TCF24: variants seen among roughly 807,000 people sequenced by gnomAD.
TCF24 encodes transcription factor 24.
Under a neutral mutation model 9.3 loss-of-function variants are expected in TCF24, and 5 were observed. That is an observed-to-expected ratio of 0.54 (90% CI 0.28 to 1.13). The LOEUF is 1.13. Ranked by LOEUF, TCF24 falls within the 50% of genes most tolerant of loss-of-function variation. The pLI is 0.09. For synonymous variants in TCF24, 110 were observed against 115.8 expected (o/e 0.95, Z 0.32); for missense variants, 220 against 236.1 (o/e 0.93, Z 0.45).
intron 3 of TCF24, among the ~76,000 whole-genome samples, chr8:66,959,755 T>A (rs1814224051): frequency 6.6e-6 from 1 of 152,184 alleles, no homozygotes; most frequent in African/African-American, 2.4e-5. Flanking sequence ...TAATTTCATT[T>A]AAAAAAATAA....
chr8:66,955,825 T>A (rs148695776), intron 3 of TCF24, among the ~76,000 whole-genome samples: 21 of 152,366 alleles, frequency 1.4e-4, no homozygotes, highest in South Asian at 2.1e-4. Flanking sequence ...GGACTCCAAA[T>A]GTAAAACATA....
chr8:66,961,025 C>T (rs1362305719), intron 3 of TCF24, among the ~76,000 whole-genome samples: 1 of 152,214 alleles, frequency 6.6e-6, no homozygotes, highest in Non-Finnish European at 1.5e-5. Context: ...CTCAGAGGGT[C>T]ATACATATAA....
At chr8:66,953,671 G>T (rs1486626970) in intron 3 of TCF24, among the ~76,000 whole-genome samples, 1 of 152,038 alleles carries the variant, frequency 6.6e-6, no homozygotes, top group Non-Finnish European at 1.5e-5. Flanking sequence ...AGTTCTCCTG[G>T]ATAATATCCT....
Position 66,948,170 on chromosome 8 carries a change from A to G in TCF24, c.391-6T>C, listed in dbSNP as rs1160633395. The G allele has an allele frequency of 6.6e-7, 1 of 1,526,024 alleles. No homozygotes were observed. The highest frequency in any genetic ancestry group is 8.8e-7 in the Non-Finnish European group (1 of 1,142,812). 94.5% of individuals were successfully genotyped at this position (1,526,024 alleles called of 1,614,324 possible). On this transcript the variant is annotated splice_region_variant and splice_polypyrimidine_tract_variant and intron_variant, in intron 3 of 3. Coordinates refer to ENST00000563496, the MANE Select transcript of TCF24 (RefSeq NM_001193502.2). ...CTTGATCGCATGGGCCATTTCTGAA[A>G]AAGATTATTTCAACAAGAATTCAAA...
At chr8:66,951,013 G>C (rs2130897679) in intron 3 of TCF24, among the ~76,000 whole-genome samples, 1 of 151,500 alleles carries the variant, frequency 6.6e-6, no homozygotes, top group African/African-American at 2.4e-5. Flanking sequence ...GGATTTTCTA[G>C]ATATACAATC....
chr8:66,961,414 C>G lies in TCF24; in HGVS notation c.352G>C (p.Gly118Arg). The G allele has an allele frequency of 6.6e-7, 1 of 1,517,098 alleles. No homozygotes were observed. The highest frequency in any genetic ancestry group is 1.4e-5 in the African/African-American group (1 of 70,648). 94.0% of individuals were successfully genotyped at this position (1,517,098 alleles called of 1,614,324 possible). The change falls in exon 3 of 4, where the codon GGC becomes CGC. Residue 118 changes from glycine (G) to arginine (R), a missense_variant. Physicochemically the swap from Gly to Arg is moderately radical, Grantham distance 125. Coordinates refer to ENST00000563496, the MANE Select transcript of TCF24 (RefSeq NM_001193502.2). Reference protein sequence around the residue: ...DAEAPADAGLGALRGDGYLHP... With the variant: ...DAEAPADAGLRALRGDGYLHP... ...AGGTAGCCATCGCCGCGCAGGGCGC[C>G]CAACCCGGCGTCCGCCGGCGCCTCG...
chr8:66,953,192 G>A (rs1001608181), intron 3 of TCF24, among the ~76,000 whole-genome samples: 2 of 151,990 alleles, frequency 1.3e-5, no homozygotes, highest in African/African-American at 2.4e-5. Flanking sequence ...TCCTAGTCTC[G>A]ATGATCTTTA....
intron 3 of TCF24, among the ~76,000 whole-genome samples, chr8:66,952,086 C>G (rs2130898277): frequency 6.7e-6 from 1 of 148,846 alleles, no homozygotes; most frequent in East Asian, 2.0e-4. Context: ...TTTTGTGTCT[C>G]TATTTCCTTC....
At chr8:66,948,208 T>C (rs990802433) in intron 3 of TCF24, 44 bp from the exon 4 acceptor site, 6 of 1,387,166 alleles carry the variant, frequency 4.3e-6, no homozygotes, top group African/African-American at 2.9e-5. Context: ...TTAGTATCTA[T>C]GACATATATT....
Position 66,947,911 on chromosome 8 carries a change from G to T in TCF24, c.*140C>A. On this transcript the variant is annotated 3_prime_UTR_variant, in exon 4 of 4. Coordinates refer to ENST00000563496, the MANE Select transcript of TCF24 (RefSeq NM_001193502.2). ...GATTATTTCATTCCACATTTAGACA[G>T]ATAAACCTGAACATCCAACTATGGG... 1.7e-6 allele frequency: 1 copy of T among 587,380 alleles called. No individual in the cohort carries two copies. Among genetic ancestry groups the T allele is most frequent in the Non-Finnish European group, 2.9e-6 (1 of 346,386 alleles). 36.4% of individuals were successfully genotyped at this position (587,380 alleles called of 1,614,324 possible).
chr8:66,954,880 C>T (rs1814128097), intron 3 of TCF24: 1 of 152,992 alleles, frequency 6.5e-6, no homozygotes, highest in Admixed American at 6.5e-5. Context: ...TCATCCCTTT[C>T]TTTGACTCGG....
chr8:66,957,111 CAAAAAAAAAAAAAAA>C (rs1165600722), intron 3 of TCF24, among the ~76,000 whole-genome samples: 1 of 15,728 alleles, frequency 6.4e-5, no homozygotes, highest in East Asian at 2.8e-3. Context: ...GACTCCGTCT[CAAAAAAAAAAAAAAA>C]AAAAAAAAAA....
At chr8:66,948,706 T>TCTATCTATCTA in intron 3 of TCF24, among the ~76,000 whole-genome samples, 1 of 131,764 alleles carries the variant, frequency 7.6e-6, no homozygotes. Flanking sequence ...TATCTATCTA[T>TCTATCTATCTA]TTTTTTTGAG....
At chr8:66,955,197 A>G (rs1814133230) in intron 3 of TCF24, 1 of 152,196 alleles carries the variant, frequency 6.6e-6, no homozygotes, top group Non-Finnish European at 1.5e-5. Context: ...ATTCATCTTT[A>G]TGGTGGGCAA....
chr8:66,954,128 G>A (rs1335419121), intron 3 of TCF24, among the ~76,000 whole-genome samples: 14 of 152,294 alleles, frequency 9.2e-5, no homozygotes, highest in South Asian at 2.1e-4. Flanking sequence ...GCTTTGTTCC[G>A]TTGCTGGTGA....
Position 66,947,395 on chromosome 8 carries a change from C to T in TCF24, c.*656G>A, listed in dbSNP as rs2130895625. On this transcript the variant is annotated 3_prime_UTR_variant, in exon 4 of 4. Transcript: ENST00000563496. ...TCTGCTGTCCGCTGACACCTGGTCT[C>T]CTGTTCACACTGGACTGCAGGGATT... is the stretch of plus-strand genomic sequence containing the variant. 1 of 152,354 alleles carries T rather than the reference C, an allele frequency of 6.6e-6. No homozygotes were observed. The highest frequency in any genetic ancestry group is 2.1e-4 in the South Asian group (1 of 4,824). 9.4% of individuals were successfully genotyped at this position (152,354 alleles called of 1,614,324 possible).
chr8:66,955,381 TAA>T (rs754507682), intron 3 of TCF24, among the ~76,000 whole-genome samples: 6 of 136,296 alleles, frequency 4.4e-5, no homozygotes, highest in Admixed American at 1.5e-4. Flanking sequence ...AGAGAGGGAC[TAA>T]AAAAAAAAAA....
intron 3 of TCF24, among the ~76,000 whole-genome samples, chr8:66,951,523 T>G (rs1435319420): frequency 6.6e-6 from 1 of 152,168 alleles, no homozygotes; most frequent in African/African-American, 2.4e-5. Context: ...TTTGCATCAA[T>G]GTTCATCAAG....
chr8:66,952,100 T>A (rs1253964849), intron 3 of TCF24, among the ~76,000 whole-genome samples: 3 of 149,504 alleles, frequency 2.0e-5, no homozygotes, highest in African/African-American at 7.3e-5. Flanking sequence ...TTCCTTCATT[T>A]CTGCTCTGAT....
Sources: gnomAD v4.1 joint callset for allele counts (sites outside exome capture counted in the v4.1 genomes callset) on GRCh38, gnomAD v4.1.1 for gene constraint, MANE v1.5 for transcripts, NCBI Gene and HGNC (gene_info 2026-07-23, HGNC 2026-07-21) for gene names.